The following TCTN3 variants were observed in gnomAD, a reference collection of about 807,000 sequenced individuals.
The protein encoded by TCTN3 is tectonic-3.
A neutral mutation model predicts 71.3 loss-of-function variants in TCTN3; 57 were observed. That is an observed-to-expected ratio of 0.80 (90% CI 0.65 to 1.00). TCTN3 has a LOEUF of 1.00. TCTN3 is among the 50% of genes least tolerant of loss of function. The probability of loss-of-function intolerance (pLI) is 0.00; values close to 1 mark genes in which losing one functional copy is unlikely to be tolerated. For synonymous variants in TCTN3, 258 were observed against 267.8 expected (o/e 0.96, Z 0.36); for missense variants, 696 against 719.9 (o/e 0.97, Z 0.38).
chr10:95,681,786 T>A (rs1478329331), intron 12 of TCTN3, among the ~76,000 whole-genome samples: 1 of 152,330 alleles, frequency 6.6e-6, no homozygotes, highest in African/African-American at 2.4e-5. Context: ...TATTCAAGAA[T>A]ATAAAATATT....
chr10:95,666,465 T>C (rs1042789248), intron 13 of TCTN3, among the ~76,000 whole-genome samples: 1 of 103,830 alleles, frequency 9.6e-6, no homozygotes, highest in African/African-American at 3.3e-5. Flanking sequence ...ATAAACTTTC[T>C]TTTGACTTAA....
At chr10:95,690,643 T>C (rs1029087999) in intron 3 of TCTN3, among the ~76,000 whole-genome samples, 8 of 152,274 alleles carry the variant, frequency 5.3e-5, no homozygotes, top group Middle Eastern at 3.4e-3. Flanking sequence ...TACAGAGTAA[T>C]GCTAAAAGAG....
intron 13 of TCTN3, among the ~76,000 whole-genome samples, chr10:95,667,548 T>C (rs2097926871): frequency 6.6e-6 from 1 of 152,092 alleles, no homozygotes; most frequent in Non-Finnish European, 1.5e-5. Flanking sequence ...ATCCCTTCAA[T>C]GCAATCAGGC....
chr10:95,672,065 C>T (rs1210815533), intron 13 of TCTN3, among the ~76,000 whole-genome samples: 2 of 150,920 alleles, frequency 1.3e-5, no homozygotes, highest in African/African-American at 4.9e-5. Flanking sequence ...TCCATCATTT[C>T]AGAGCTCCTT....
intron 3 of TCTN3, among the ~76,000 whole-genome samples, chr10:95,688,397 G>GAA (rs60722894): frequency 1.9e-5 from 2 of 104,592 alleles, no homozygotes; most frequent in East Asian, 2.9e-4. Context: ...TCAAAAAAAA[G>GAA]AAAAAAAAAA....
At chr10:95,681,644 A>G (rs1264484298) in intron 12 of TCTN3, among the ~76,000 whole-genome samples, 2 of 152,240 alleles carry the variant, frequency 1.3e-5, no homozygotes, top group African/African-American at 4.8e-5. Context: ...GCAGAAAGGC[A>G]TATCATTCTA....
chr10:95,675,955 A>G (rs191733864), intron 13 of TCTN3, among the ~76,000 whole-genome samples: 79 of 152,352 alleles, frequency 5.2e-4, no homozygotes, highest in African/African-American at 1.8e-3. Flanking sequence ...TTCTTCTAGT[A>G]AGTCAATAGT....
intron 3 of TCTN3, among the ~76,000 whole-genome samples, chr10:95,692,647 A>T (rs899981948): frequency 1.3e-5 from 2 of 152,198 alleles, no homozygotes; most frequent in African/African-American, 4.8e-5. Context: ...TTCTCAATAA[A>T]TGTTAGACCA....
rs572711134 is a variant in TCTN3 at position 95,666,744 on chromosome 10, T to G, written c.1591-2444A>C. ...GAAGTTGATTGAATCAATGTGTTAT[T>G]CTAAGTTATTTCAGAGCTTTTAGGA... On this transcript the variant is annotated intron_variant, in intron 13 of 13. Coordinates refer to ENST00000371217, the MANE Select transcript of TCTN3 (RefSeq NM_015631.6). Among the ~76,000 whole-genome samples the G allele has an allele frequency of 2.4e-4, 37 of 152,288 alleles. No homozygotes were observed. The East Asian group carries it at 7.0e-3, about 29-fold the overall frequency.
At chr10:95,664,606 C>T (rs1460488735) in intron 13 of TCTN3, among the ~76,000 whole-genome samples, 2 of 152,322 alleles carry the variant, frequency 1.3e-5, no homozygotes, top group East Asian at 3.9e-4. Context: ...CTCTTAGGTG[C>T]TTAGCAGCTC....
At chr10:95,693,246 G>T in intron 2 of TCTN3, 107 bp downstream of exon 2, 1 of 1,489,046 alleles carries the variant, frequency 6.7e-7, no homozygotes, top group Non-Finnish European at 9.0e-7. Flanking sequence ...TGTCCTAGGA[G>T]TGGAAGTACG....
At chr10:95,683,067 A>C (rs1253537920) in intron 11 of TCTN3, 34 bp downstream of exon 11, 7 of 1,578,922 alleles carry the variant, frequency 4.4e-6, no homozygotes, top group Non-Finnish European at 6.1e-6. Context: ...ATATTCCCGA[A>C]ATTGCAGGAA....
At position 95,689,626 on chromosome 10, in the gene TCTN3, T is replaced by C. The variant is rs534615914; in HGVS notation, c.500-1907A>G. ...AAATGAATAAGAGAAAGTTTACATT[T>C]TGTCTCTCACTTCAGTGCAAAGATA... On this transcript the variant is annotated intron_variant, in intron 3 of 13. Coordinates refer to ENST00000371217, the MANE Select transcript of TCTN3 (RefSeq NM_015631.6). Among the ~76,000 whole-genome samples, 4 of 152,374 alleles carry C rather than the reference T, an allele frequency of 2.6e-5. No homozygotes were observed. The South Asian group carries it at 8.3e-4, about 32-fold the overall frequency.
At position 95,687,595 on chromosome 10, in the gene TCTN3, G is replaced by T. The variant is rs2097949653; in HGVS notation, c.624C>A (p.Tyr208Ter). The T allele has an allele frequency of 6.2e-7, 1 of 1,613,070 alleles. No homozygotes were observed. Among genetic ancestry groups the T allele is most frequent in the Non-Finnish European group, 8.5e-7 (1 of 1,179,828 alleles). ...CCATCCCCTTCCCCAGGCTCACCCTGTAAAAAGATGGTGGTGATTGAGTTT... is the reference window on the plus strand; with the variant it reads ...CCATCCCCTTCCCCAGGCTCACCCTTTAAAAAGATGGTGGTGATTGAGTTT... The part of the protein sequence containing the change: ...TFQTQSPPSF[Y>*]RAGDPILTYF... Residue 208 changes from tyrosine (Y) to a stop codon, truncating the protein, a stop_gained, in exon 4 of 14, where the codon TAC (tyrosine) becomes TAA (stop). Coordinates refer to ENST00000371217, the MANE Select transcript of TCTN3 (RefSeq NM_015631.6). LOFTEE classifies it high-confidence loss of function.
chr10:95,680,687 T>C (rs1382593156), intron 12 of TCTN3, 78 bp from the exon 13 acceptor site: 2 of 1,529,636 alleles, frequency 1.3e-6, no homozygotes, highest in African/African-American at 1.4e-5. Context: ...TAAGCCATTG[T>C]TTCTTAAGCA....
Position 95,664,249 on chromosome 10 carries a change from C to A in TCTN3, c.1642G>T (p.Asp548Tyr). The A allele has an allele frequency of 1.9e-6, 3 of 1,614,116 alleles. No homozygotes were observed. The East Asian group carries it at 6.7e-5, about 36-fold the overall frequency. The change falls in exon 14 of 14, where the codon GAC becomes TAC. Residue 548 changes from aspartate to tyrosine, a missense_variant. Asp to Tyr is a radical substitution (Grantham distance 160). Coordinates refer to ENST00000371217, the MANE Select transcript of TCTN3 (RefSeq NM_015631.6). ...GGAGGCTGTGGCTTCTGGGTAATGTCCACAAAGTTCACAAGAGTTGTCAAA... is the reference window on the plus strand; with the variant it reads ...GGAGGCTGTGGCTTCTGGGTAATGTACACAAAGTTCACAAGAGTTGTCAAA... ...VSLTTLVNFV[D>Y]ITQKPQPPRG...
At chr10:95,683,903 T>G (rs2139740688) in intron 9 of TCTN3, among the ~76,000 whole-genome samples, 1 of 152,246 alleles carries the variant, frequency 6.6e-6, no homozygotes, top group East Asian at 1.9e-4. Context: ...CCTTAAAAAT[T>G]ACTAGCAATT....
At chr10:95,670,824 A>C (rs1566065563) in intron 13 of TCTN3, among the ~76,000 whole-genome samples, 1 of 151,766 alleles carries the variant, frequency 6.6e-6, no homozygotes, top group Non-Finnish European at 1.5e-5. Context: ...CACCATGCCC[A>C]GCTAATTTTT....
rs1050027446 is a variant in TCTN3, at chr10:95,665,577, G to A, written c.1591-1277C>T. On this transcript the variant is annotated intron_variant, in intron 13 of 13. Transcript: ENST00000371217. Reference sequence around the variant, plus strand: ...ATTACAGGTGTGAGCCACTGCACCCGGCCTGGCTAATTTTTATTATTATAT... The same window carrying A: ...ATTACAGGTGTGAGCCACTGCACCCAGCCTGGCTAATTTTTATTATTATAT... Among the ~76,000 whole-genome samples, 7 of 151,692 alleles carry A rather than the reference G, an allele frequency of 4.6e-5. No homozygotes were observed. The South Asian group carries it at 6.3e-4, about 14-fold the overall frequency.
Sources: gnomAD v4.1 joint callset for allele counts (sites outside exome capture counted in the v4.1 genomes callset) on GRCh38, gnomAD v4.1.1 for gene constraint, MANE v1.5 for transcripts, NCBI Gene and HGNC (gene_info 2026-07-23, HGNC 2026-07-21) for gene names.